Variants in CSMD1 observed in about 807,000 individuals in gnomAD.
CSMD1 encodes the protein CUB and Sushi multiple domains 1.
CSMD1 carries 213 observed loss-of-function variants against 417.5 expected under a neutral mutation model. That is an observed-to-expected ratio of 0.51 (90% confidence interval 0.46 to 0.57). CSMD1 has a LOEUF of 0.57. CSMD1 is among the 20% of genes least tolerant of loss of function. The pLI is 0.00. For missense variants in CSMD1, 6,923 were observed against 4,529.7 expected (o/e 1.53, Z -15.17); for synonymous variants, 2,862 against 1,736.8 (o/e 1.65, Z -16.11).
chr8:3,242,518 G>T (rs539342164), intron 26 of CSMD1, among the ~76,000 whole-genome samples: 1 of 152,088 alleles, frequency 6.6e-6, no homozygotes, highest in Non-Finnish European at 1.5e-5. Context: ...ATCTTGCAGG[G>T]TGGAAAAATT....
chr8:4,784,933 A>G (rs1463989064), intron 1 of CSMD1, among the ~76,000 whole-genome samples: 1 of 151,936 alleles, frequency 6.6e-6, no homozygotes, highest in Non-Finnish European at 1.5e-5. Context: ...GTTTGTAAAG[A>G]TGACTAAATT....
At chr8:4,290,085 G>C (rs199720040) in intron 3 of CSMD1, among the ~76,000 whole-genome samples, 1 of 152,148 alleles carries the variant, frequency 6.6e-6, no homozygotes. Flanking sequence ...TTTTTATAGT[G>C]GCATACAGAT....
At chr8:4,457,716 G>A (rs1052216649) in intron 2 of CSMD1, among the ~76,000 whole-genome samples, 4 of 152,018 alleles carry the variant, frequency 2.6e-5, no homozygotes, top group Admixed American at 6.6e-5. Flanking sequence ...TTCCCTTCCC[G>A]GTCCTTCATG....
intron 7 of CSMD1, among the ~76,000 whole-genome samples, chr8:3,622,871 T>C (rs955540865): frequency 1.8e-4 from 27 of 152,172 alleles, no homozygotes; most frequent in Admixed American, 1.6e-3. Context: ...ATGAAACCAC[T>C]TCAAGAGGAA....
intron 1 of CSMD1, among the ~76,000 whole-genome samples, chr8:4,948,396 T>C (rs549536535): frequency 7.9e-5 from 12 of 152,030 alleles, no homozygotes; most frequent in African/African-American, 2.7e-4. Context: ...TACTAGTTAC[T>C]TGCCAGTCAT....
At chr8:4,026,435 G>A (rs2688355) in intron 4 of CSMD1, among the ~76,000 whole-genome samples, 2 of 152,070 alleles carry the variant, frequency 1.3e-5, no homozygotes, top group African/African-American at 4.8e-5. Context: ...TTAGCTGACT[G>A]TTATGTCAAC....
At chr8:4,560,103 C>T (rs988077411) in intron 2 of CSMD1, among the ~76,000 whole-genome samples, 3 of 152,232 alleles carry the variant, frequency 2.0e-5, no homozygotes, top group East Asian at 1.9e-4. Flanking sequence ...GCCACCTCCA[C>T]GTGGTGACTG....
rs1045995236 is a variant in CSMD1, at chr8:4,057,574, T to C, written c.416-25475A>G. Among the ~76,000 whole-genome samples, 7 of 152,122 alleles carry C rather than the reference T, an allele frequency of 4.6e-5. 1 individual carries two copies. Among genetic ancestry groups the C allele is most frequent in the African/African-American group, 1.4e-4 (6 of 41,504 alleles). On this transcript the variant is annotated intron_variant, in intron 3 of 69. Transcript: ENST00000635120. The stretch of plus-strand genomic sequence containing the variant: ...TTGTCAATTTTGGCTTTTGTTGCCA[T>C]TGCTTTTGGTGTTATAGACATGAAG...
At chr8:3,285,056 C>T (rs1348376805) in intron 25 of CSMD1, among the ~76,000 whole-genome samples, 1 of 152,084 alleles carries the variant, frequency 6.6e-6, no homozygotes, top group African/African-American at 2.4e-5. Context: ...TATTTAGGGC[C>T]ATTGAAGCAA....
At chr8:3,013,077 G>T (rs1808524859) in intron 52 of CSMD1, among the ~76,000 whole-genome samples, 1 of 152,136 alleles carries the variant, frequency 6.6e-6, no homozygotes, top group African/African-American at 2.4e-5. Flanking sequence ...AACTGTGAGT[G>T]CATTAAACTC....
At chr8:4,342,343 A>T (rs1800527616) in intron 3 of CSMD1, among the ~76,000 whole-genome samples, 1 of 152,154 alleles carries the variant, frequency 6.6e-6, no homozygotes, top group Non-Finnish European at 1.5e-5. Flanking sequence ...ACACACACAG[A>T]AAAATATGTG....
intron 5 of CSMD1, among the ~76,000 whole-genome samples, chr8:3,808,251 G>C (rs960754597): frequency 6.6e-6 from 1 of 152,092 alleles, no homozygotes; most frequent in Non-Finnish European, 1.5e-5. Context: ...TCACTAAGTA[G>C]TCACATTTAC....
intron 1 of CSMD1, among the ~76,000 whole-genome samples, chr8:4,942,042 T>A (rs5004553): frequency 6.6e-6 from 1 of 152,034 alleles, no homozygotes; most frequent in African/African-American, 2.4e-5. Flanking sequence ...GTAAATGGGA[T>A]TGTCTGGCTC....
intron 3 of CSMD1, among the ~76,000 whole-genome samples, chr8:4,387,300 T>C (rs1390387521): frequency 6.6e-6 from 1 of 152,140 alleles, no homozygotes; most frequent in East Asian, 1.9e-4. Context: ...ACTCTACTTT[T>C]AGATAGTAAT....
intron 52 of CSMD1, among the ~76,000 whole-genome samples, chr8:3,007,238 C>T (rs1807998414): frequency 6.6e-6 from 1 of 150,786 alleles, no homozygotes; most frequent in Admixed American, 6.6e-5. Context: ...CATCTCACAC[C>T]AGTTAGAATG....
At chr8:4,966,805 G>A (rs1006965932) in intron 1 of CSMD1, among the ~76,000 whole-genome samples, 1 of 152,254 alleles carries the variant, frequency 6.6e-6, no homozygotes, top group African/African-American at 2.4e-5. Context: ...AAAATCCAAA[G>A]AATTTATTGC....
In CSMD1 at chr8:3,282,125, A is replaced by G. The variant is rs112819571; in HGVS notation, c.4153+2019T>C. ...TTCTTGATAAATTACCCAGTCTCAGATAGTTCTTTACAGCAATATGAAGAT... is the reference window on the plus strand; with the variant it reads ...TTCTTGATAAATTACCCAGTCTCAGGTAGTTCTTTACAGCAATATGAAGAT... On this transcript the variant is annotated intron_variant, in intron 26 of 69. Transcript: ENST00000635120. Among the ~76,000 whole-genome samples the G allele has an allele frequency of 4.9e-4, 75 of 152,278 alleles. 1 individual carries two copies. The highest frequency in any genetic ancestry group is 1.8e-3 in the African/African-American group (73 of 41,546).
chr8:3,805,702 C>T lies in CSMD1; in HGVS notation c.819-51660G>A, dbSNP rs548818589. Among the ~76,000 whole-genome samples the T allele has an allele frequency of 1.2e-3, 183 of 152,100 alleles. 1 individual carries two copies. The South Asian group carries it at 0.015, about 12-fold the overall frequency. ...ACTGTACCATTGTGTTTCATTCTTTCCTATCTTTCTTCTTTTTTTAATTCG... is the reference window on the plus strand; with the variant it reads ...ACTGTACCATTGTGTTTCATTCTTTTCTATCTTTCTTCTTTTTTTAATTCG... On this transcript the variant is annotated intron_variant, in intron 5 of 69. Transcript: ENST00000635120.
In CSMD1 at chr8:4,168,806, T is replaced by C. The variant is rs186595626; in HGVS notation, c.416-136707A>G. Among the ~76,000 whole-genome samples the C allele has an allele frequency of 1.1e-3, 165 of 152,318 alleles. 2 individuals are homozygous for C. The highest frequency in any genetic ancestry group is 3.8e-3 in the African/African-American group (159 of 41,548). On this transcript the variant is annotated intron_variant, in intron 3 of 69. Transcript: ENST00000635120. ...ACTCTCCTCTTCCCTTTCATTTTCC[T>C]TTGAACTAACTTCATTCCGGCTCTC...
Sources: allele counts gnomAD v4.1 joint callset (sites outside exome capture counted in the v4.1 genomes callset), GRCh38; gene constraint gnomAD v4.1.1; transcripts MANE v1.5; gene names NCBI Gene and HGNC (gene_info 2026-07-23, HGNC 2026-07-21).